The following DPY30 variants were observed in gnomAD, a reference collection of about 807,000 sequenced individuals.
The protein encoded by DPY30 is protein dpy-30 homolog.
In DPY30, 6 loss-of-function variants were observed where a neutral mutation model predicts 16.2. That is an observed-to-expected ratio of 0.37 (90% CI 0.20 to 0.73). DPY30 has a LOEUF of 0.73. DPY30 is among the 30% of genes least tolerant of loss of function. DPY30 has a pLI of 0.51. For missense variants in DPY30, 73 were observed against 113.1 expected (o/e 0.65, Z 1.61); for synonymous variants, 39 against 38.8 (o/e 1.00, Z -0.02).
intron 5 of DPY30, among the ~76,000 whole-genome samples, chr2:32,016,057 C>A (rs1675059324): frequency 6.6e-6 from 1 of 151,988 alleles, no homozygotes; most frequent in Admixed American, 6.6e-5. Flanking sequence ...CACCACCATG[C>A]CTGGCTAATT....
chr2:32,021,782 T>G (rs1259451446), downstream of DPY30, among the ~76,000 whole-genome samples: 2 of 152,218 alleles, frequency 1.3e-5, no homozygotes, highest in African/African-American at 4.8e-5. Flanking sequence ...ACTTATATTA[T>G]GTACAAAATT....
At chr2:32,028,829 G>A (rs1357511055) in intron 4 of DPY30, among the ~76,000 whole-genome samples, 1 of 151,902 alleles carries the variant, frequency 6.6e-6, no homozygotes, top group Non-Finnish European at 1.5e-5. Context: ...CAGGCGTGGT[G>A]GCAGGTGCCT....
downstream of DPY30, among the ~76,000 whole-genome samples, chr2:32,022,144 A>T (rs535389021): frequency 6.6e-6 from 1 of 151,118 alleles, no homozygotes; most frequent in South Asian, 2.1e-4. Context: ...TGGGAGCCAG[A>T]GGTTGCAGTG....
At chr2:32,012,964 G>A (rs1250688092) in intron 5 of DPY30, 2 of 152,168 alleles carry the variant, frequency 1.3e-5, no homozygotes, top group African/African-American at 4.8e-5. Flanking sequence ...TGGGGTGGTG[G>A]AGAGGGGATT....
downstream of DPY30, chr2:32,021,208 G>A (rs1675172548): frequency 6.6e-6 from 1 of 152,448 alleles, no homozygotes; most frequent in South Asian, 2.1e-4. Flanking sequence ...GGCGGAGGTT[G>A]CGGTGAGCCA....
At chr2:32,035,435 C>T (rs1001672640) in intron 3 of DPY30, among the ~76,000 whole-genome samples, 2 of 151,418 alleles carry the variant, frequency 1.3e-5, no homozygotes, top group African/African-American at 4.9e-5. Context: ...AACCTCATCT[C>T]TACTAAAATA....
rs1190753873 is a variant in DPY30 at position 32,027,627 on chromosome 2, A to ATT, written c.227+1965_227+1966dup. Among the ~76,000 whole-genome samples, 79 of 117,886 alleles carry ATT rather than the reference A, an allele frequency of 6.7e-4. 1 individual carries two copies. The highest frequency in any genetic ancestry group is 1.2e-3 in the African/African-American group (36 of 29,572). The allele number at this position is 117,886 out of a possible 152,430, so 77.3% of individuals were successfully genotyped here. On this transcript the variant is annotated intron_variant, in intron 4 of 4. Transcript: ENST00000342166. ...TACCTTCAAATCAACCAAGATACCC[A>ATT]TTTTTTTTTTTTTTTTTTTTTGAGA... is the stretch of plus-strand genomic sequence containing the variant.
chr2:32,019,616 G>C (rs1228827780), downstream of DPY30, among the ~76,000 whole-genome samples: 10 of 151,668 alleles, frequency 6.6e-5, no homozygotes, highest in African/African-American at 2.4e-4. Flanking sequence ...GAGGTCAGGA[G>C]TTTGAGACCA....
intron 4 of DPY30, among the ~76,000 whole-genome samples, chr2:32,028,495 G>T (rs1337521599): frequency 6.6e-6 from 1 of 152,110 alleles, no homozygotes; most frequent in Non-Finnish European, 1.5e-5. Context: ...AGAAATAATT[G>T]TACTCTTGCT....
rs187411348 is a variant in DPY30, at chr2:32,032,028, T to C, written c.85-2292A>G. Among the ~76,000 whole-genome samples, 1,478 of 152,190 alleles carry C rather than the reference T, an allele frequency of 9.7e-3. 26 individuals are homozygous for C. Among genetic ancestry groups the C allele is most frequent in the South Asian group, 0.048 (232 of 4,832 alleles). ...TTGCTTCAATCATACTCAAACTAGATATAAAAGAGTCGACAAAGAAAAATT... is the reference window on the plus strand; with the variant it reads ...TTGCTTCAATCATACTCAAACTAGACATAAAAGAGTCGACAAAGAAAAATT... On this transcript the variant is annotated intron_variant, in intron 3 of 4. Coordinates refer to ENST00000342166, the MANE Select transcript of DPY30 (RefSeq NM_001321209.2).
downstream of DPY30, among the ~76,000 whole-genome samples, chr2:32,022,068 G>C (rs1380113061): frequency 6.6e-6 from 1 of 152,040 alleles, no homozygotes; most frequent in Non-Finnish European, 1.5e-5. Flanking sequence ...AAATTCGCTG[G>C]GGACAGTGGC....
intron 3 of DPY30, among the ~76,000 whole-genome samples, chr2:32,038,409 A>AGGGGGG (rs70964748): frequency 1.7e-4 from 6 of 34,292 alleles, no homozygotes; most frequent in African/African-American, 1.9e-4. Flanking sequence ...CCTTATTTTG[A>AGGGGGG]GGGGGGGGGG....
At chr2:32,017,250 A>G (rs918328796) in intron 5 of DPY30, among the ~76,000 whole-genome samples, 2 of 152,184 alleles carry the variant, frequency 1.3e-5, no homozygotes, top group African/African-American at 4.8e-5. Context: ...GATGCTCTCC[A>G]TTACCTCAGT....
rs1023332615 is a variant in DPY30 at position 32,039,613 on chromosome 2, A to C, written c.-37+120T>G. 3 of 855,360 alleles carry C rather than the reference A, an allele frequency of 3.5e-6. No individual in the cohort carries two copies. In the African/African-American group the frequency reaches 5.0e-5, roughly 14 times the overall value. 53.0% of individuals were successfully genotyped at this position (855,360 alleles called of 1,614,324 possible). A position where few individuals can be genotyped will look rare whatever the true frequency, so the allele number is the denominator to read the frequency against. ...CCCACCTGGGCGCGGGAGCACCACG[A>C]GCAGTAGAGCAGCAGAGTGGGACAG... On this transcript the variant is annotated intron_variant, in intron 1 of 4. Coordinates refer to ENST00000342166, the MANE Select transcript of DPY30 (RefSeq NM_001321209.2).
chr2:32,019,632 G>A (rs1220400854), downstream of DPY30, among the ~76,000 whole-genome samples: 1 of 151,540 alleles, frequency 6.6e-6, no homozygotes, highest in Non-Finnish European at 1.5e-5. Context: ...GACCAGCCTG[G>A]CCAACATGGC....
intron 5 of DPY30, among the ~76,000 whole-genome samples, chr2:32,018,432 T>TA (rs1021199199): frequency 7.3e-5 from 11 of 151,478 alleles, no homozygotes; most frequent in East Asian, 3.9e-4. Context: ...TTTTTAAGTT[T>TA]AAAAAAAAAT....
chr2:32,032,943 C>G (rs939055331), intron 3 of DPY30, among the ~76,000 whole-genome samples: 4 of 151,998 alleles, frequency 2.6e-5, no homozygotes, highest in African/African-American at 9.7e-5. Context: ...TTGCAGTGAG[C>G]CAAGATTGCG....
downstream of DPY30, among the ~76,000 whole-genome samples, chr2:32,019,898 A>G (rs950896570): frequency 7.5e-5 from 11 of 147,468 alleles, no homozygotes; most frequent in East Asian, 9.8e-4. Context: ...ATATGTGTGT[A>G]TATATATAAA....
intron 3 of DPY30, among the ~76,000 whole-genome samples, chr2:32,038,018 C>T (rs6737500): frequency 0.43 from 65,668 of 151,550 alleles, 14,496 homozygotes; most frequent in East Asian, 0.64. Flanking sequence ...CCCATAAGGC[C>T]CAGAGAAGTT....
Sources: gnomAD v4.1 joint callset for allele counts (sites outside exome capture counted in the v4.1 genomes callset) on GRCh38, gnomAD v4.1.1 for gene constraint, MANE v1.5 for transcripts, NCBI Gene and HGNC (gene_info 2026-07-23, HGNC 2026-07-21) for gene names.